The following HAPLN1 variants were observed in gnomAD, a reference collection of about 807,000 sequenced individuals.
HAPLN1 encodes hyaluronan and proteoglycan link protein 1.
HAPLN1 carries 13 observed loss-of-function variants against 36.5 expected under a neutral mutation model. That is an observed-to-expected ratio of 0.36 (90% CI 0.23 to 0.57). HAPLN1 has a LOEUF of 0.57. Ranked by LOEUF, HAPLN1 falls within the 20% of genes least tolerant of loss-of-function variation. The probability of loss-of-function intolerance (pLI) is 0.83; values close to 1 mark genes in which losing one functional copy is unlikely to be tolerated. For synonymous variants in HAPLN1, 202 were observed against 169.8 expected (o/e 1.19, Z -1.48); for missense variants, 407 against 439.7 (o/e 0.93, Z 0.66).
rs768747470 is a variant in HAPLN1 at position 83,673,512 on chromosome 5, T to G, written c.12A>C (p.Leu4=). The change falls in exon 2 of 5, where the codon CTA becomes CTC. Residue 4 remains leucine (L), a synonymous_variant. Transcript: ENST00000274341. Reference sequence around the variant, plus strand: ...AGATTGAAATCAGCACCAGAAGAAGTAGACTCTTCATCTTTATAGCCCAAA... The same window carrying G: ...AGATTGAAATCAGCACCAGAAGAAGGAGACTCTTCATCTTTATAGCCCAAA... MKS[L]LLLVLISICW... 6.2e-7 allele frequency: 1 copy of G among 1,611,200 alleles called. No individual in the cohort carries two copies. The highest frequency in any genetic ancestry group is 2.2e-5 in the East Asian group (1 of 44,864).
chr5:83,700,469 A>T (rs1264751718), intron 1 of HAPLN1, among the ~76,000 whole-genome samples: 2 of 152,132 alleles, frequency 1.3e-5, no homozygotes, highest in East Asian at 3.9e-4. Context: ...CTCACCATGG[A>T]CACTGTCATC....
chr5:83,641,729 C>T lies in HAPLN1; in HGVS notation c.832G>A (p.Ala278Thr). ...ATCTGAGCACCATCATTGAGACAAGCTTGCACCGCTTCATCATAGGTCAGT... is the reference window on the plus strand; with the variant it reads ...ATCTGAGCACCATCATTGAGACAAGTTTGCACCGCTTCATCATAGGTCAGT... Reference protein sequence around the residue: ...TKLTYDEAVQACLNDGAQIAK... With the variant: ...TKLTYDEAVQTCLNDGAQIAK... The change falls in exon 5 of 5, where the codon GCT becomes ACT. Residue 278 changes from alanine to threonine, a missense_variant. Physicochemically the swap from Ala to Thr is moderately conservative, Grantham distance 58 (BLOSUM62 0). Coordinates refer to ENST00000274341, the MANE Select transcript of HAPLN1 (RefSeq NM_001884.4). The T allele has an allele frequency of 1.2e-6, 2 of 1,614,152 alleles. No homozygotes were observed. The highest frequency in any genetic ancestry group is 1.7e-6 in the Non-Finnish European group (2 of 1,180,038).
chr5:83,720,417 C>T (rs1751994105), intron 1 of HAPLN1, among the ~76,000 whole-genome samples: 1 of 152,184 alleles, frequency 6.6e-6, no homozygotes, highest in African/African-American at 2.4e-5. Flanking sequence ...TCACCTTTCC[C>T]TTCAGCCTAT....
At chr5:83,665,679 GC>G (rs1339935864) in intron 2 of HAPLN1, among the ~76,000 whole-genome samples, 1 of 152,076 alleles carries the variant, frequency 6.6e-6, no homozygotes, top group Non-Finnish European at 1.5e-5. Context: ...ATGGATTATG[GC>G]CTTTCTGGGT....
At chr5:83,680,171 C>G (rs1271012927) in intron 1 of HAPLN1, among the ~76,000 whole-genome samples, 1 of 152,154 alleles carries the variant, frequency 6.6e-6, no homozygotes. Flanking sequence ...CCCTTAGAAC[C>G]TGCTTTAGGT....
At chr5:83,692,171 A>G (rs911546356) in intron 1 of HAPLN1, among the ~76,000 whole-genome samples, 1 of 151,912 alleles carries the variant, frequency 6.6e-6, no homozygotes, top group African/African-American at 2.4e-5. Flanking sequence ...TGGCCAAAAC[A>G]TACGTAATTG....
At chr5:83,643,002 A>G (rs1488058029) in intron 4 of HAPLN1, among the ~76,000 whole-genome samples, 2 of 152,108 alleles carry the variant, frequency 1.3e-5, no homozygotes, top group Admixed American at 6.5e-5. Flanking sequence ...AGCAAAGCCA[A>G]AAATATTTAC....
At chr5:83,683,107 T>C (rs1045784087) in intron 1 of HAPLN1, among the ~76,000 whole-genome samples, 1 of 152,166 alleles carries the variant, frequency 6.6e-6, no homozygotes, top group Admixed American at 6.5e-5. Context: ...GAAATAAATA[T>C]ACATGAGTAA....
chr5:83,689,896 CT>C (rs1463078776), intron 1 of HAPLN1, among the ~76,000 whole-genome samples: 1 of 152,040 alleles, frequency 6.6e-6, no homozygotes, highest in Non-Finnish European at 1.5e-5. Flanking sequence ...ATTTTTCCTT[CT>C]GAAGGGTCAG....
At chr5:83,713,462 T>C (rs1177094851) in intron 1 of HAPLN1, among the ~76,000 whole-genome samples, 1 of 152,224 alleles carries the variant, frequency 6.6e-6, no homozygotes, top group African/African-American at 2.4e-5. Flanking sequence ...AATTCTTCCC[T>C]GGGTTTCAGT....
In HAPLN1 at chr5:83,669,913, T is replaced by C. The variant is rs76123737; in HGVS notation, c.100+3511A>G. Reference sequence around the variant, plus strand: ...GAGATTAAGTAAATTTTCCAAGGTCTAAGCTAGTTAGTGGCATTACAGGAA... The same window carrying C: ...GAGATTAAGTAAATTTTCCAAGGTCCAAGCTAGTTAGTGGCATTACAGGAA... On this transcript the variant is annotated intron_variant, in intron 2 of 4. Transcript: ENST00000274341. Among the ~76,000 whole-genome samples the C allele has an allele frequency of 8.0e-3, 1,226 of 152,330 alleles. 8 individuals carry two copies. Among genetic ancestry groups the C allele is most frequent in the Admixed American group, 0.013 (199 of 15,296 alleles).
Position 83,652,468 on chromosome 5 carries a change from C to A in HAPLN1, c.457G>T (p.Ala153Ser). ...AGATACATACCTTGTAAGTCCAGTGCTACCACAACAGTATCATCTTCTAAT... is the reference window on the plus strand; with the variant it reads ...AGATACATACCTTGTAAGTCCAGTGATACCACAACAGTATCATCTTCTAAT... ...EGLEDDTVVV[A>S]LDLQGVVFPY... Residue 153 changes from alanine to serine, a missense_variant, in exon 3 of 5, where the codon GCA (alanine) becomes TCA (serine). Ala to Ser is a moderately conservative substitution (Grantham distance 99). Coordinates refer to ENST00000274341, the MANE Select transcript of HAPLN1 (RefSeq NM_001884.4). 6.2e-7 allele frequency: 1 copy of A among 1,613,178 alleles called. No homozygotes were observed. The highest frequency in any genetic ancestry group is 8.5e-7 in the Non-Finnish European group (1 of 1,179,424).
chr5:83,713,932 A>G (rs1751852309), intron 1 of HAPLN1, among the ~76,000 whole-genome samples: 1 of 152,192 alleles, frequency 6.6e-6, no homozygotes, highest in South Asian at 2.1e-4. Context: ...TTAATTTTAT[A>G]CTGTAGTGAT....
At chr5:83,672,341 T>A (rs1296367451) in intron 2 of HAPLN1, among the ~76,000 whole-genome samples, 1 of 152,228 alleles carries the variant, frequency 6.6e-6, no homozygotes, top group Admixed American at 6.5e-5. Context: ...TTCTACTATA[T>A]ATTACAGAAA....
intron 1 of HAPLN1, among the ~76,000 whole-genome samples, chr5:83,696,196 A>T (rs1443466502): frequency 6.6e-6 from 1 of 152,168 alleles, no homozygotes; most frequent in Non-Finnish European, 1.5e-5. Flanking sequence ...AGGGAAAAAT[A>T]GCCAACAAAT....
At chr5:83,694,172 T>C (rs911413019) in intron 1 of HAPLN1, among the ~76,000 whole-genome samples, 32 of 151,872 alleles carry the variant, frequency 2.1e-4, no homozygotes, top group African/African-American at 7.7e-4. Context: ...ATTTGGAAAC[T>C]AAAGCACAAA....
At position 83,644,681 on chromosome 5, in the gene HAPLN1, A is replaced by T; in HGVS notation, c.473-16T>A. 3.6e-6 allele frequency: 5 copies of T among 1,400,642 alleles called. No individual in the cohort carries two copies. Among genetic ancestry groups the T allele is most frequent in the Non-Finnish European group, 4.7e-6 (5 of 1,070,222 alleles). 86.8% of individuals were successfully genotyped at this position (1,400,642 alleles called of 1,614,324 possible). On this transcript the variant is annotated splice_polypyrimidine_tract_variant and intron_variant, in intron 3 of 4. Transcript: ENST00000274341. Reference sequence around the variant, plus strand: ...AATACCACACCTGTCCAAAGGAGAAAGCAAGGAGTTGTTAGAAGCCCCAAA... The same window carrying T: ...AATACCACACCTGTCCAAAGGAGAATGCAAGGAGTTGTTAGAAGCCCCAAA...
chr5:83,691,965 T>C (rs559683555), intron 1 of HAPLN1, among the ~76,000 whole-genome samples: 4 of 151,978 alleles, frequency 2.6e-5, no homozygotes, highest in Non-Finnish European at 4.4e-5. Context: ...ATAAAACATT[T>C]AGAGATGAAA....
At chr5:83,653,627 A>G (rs1159957912) in intron 2 of HAPLN1, among the ~76,000 whole-genome samples, 1 of 152,010 alleles carries the variant, frequency 6.6e-6, no homozygotes, top group Non-Finnish European at 1.5e-5. Context: ...GCTTTCTGCT[A>G]TGTCTTGTTT....
Sources: gnomAD v4.1 joint callset for allele counts (sites outside exome capture counted in the v4.1 genomes callset) on GRCh38, gnomAD v4.1.1 for gene constraint, MANE v1.5 for transcripts, NCBI Gene and HGNC (gene_info 2026-07-23, HGNC 2026-07-21) for gene names.